The following ASB3 variants were observed in gnomAD, a reference collection of about 807,000 sequenced individuals.
The protein encoded by ASB3 is ankyrin repeat and SOCS box containing 3.
A neutral mutation model predicts 54.5 loss-of-function variants in ASB3; 41 were observed. The ratio of observed to expected loss-of-function variants is 0.75; its 90% confidence interval spans 0.59 to 0.98. The LOEUF (loss-of-function observed/expected upper bound fraction) is 0.98. ASB3 is among the 50% of genes least tolerant of loss of function. The pLI is 0.00. For missense variants in ASB3, 733 were observed against 620.0 expected (o/e 1.18, Z -1.94); for synonymous variants, 266 against 221.2 (o/e 1.20, Z -1.80).
intron 2 of ASB3, among the ~76,000 whole-genome samples, chr2:53,762,188 T>C (rs1673183349): frequency 6.6e-6 from 1 of 152,088 alleles, no homozygotes; most frequent in Admixed American, 6.6e-5. Flanking sequence ...TGTGTGTGTG[T>C]GTGTGTATAC....
intron 1 of ASB3, among the ~76,000 whole-genome samples, chr2:53,779,565 T>C (rs1674534065): frequency 6.6e-6 from 1 of 152,072 alleles, no homozygotes; most frequent in African/African-American, 2.4e-5. Context: ...GCCTCCCAAG[T>C]AGCTGGGACT....
At chr2:53,768,116 G>T (rs1254043641) in intron 1 of ASB3, 1 of 1,420,034 alleles carries the variant, frequency 7.0e-7, no homozygotes, top group Non-Finnish European at 9.6e-7. Flanking sequence ...CCACACCTTA[G>T]CGCTTCATGG....
At chr2:53,690,443 T>C (rs1348562859) in intron 9 of ASB3, among the ~76,000 whole-genome samples, 1 of 152,142 alleles carries the variant, frequency 6.6e-6, no homozygotes, top group Non-Finnish European at 1.5e-5. Flanking sequence ...TTTTACTGAA[T>C]TGTACTTTGG....
chr2:53,721,951 A>AT (rs1411371999), intron 5 of ASB3, among the ~76,000 whole-genome samples: 5 of 152,170 alleles, frequency 3.3e-5, no homozygotes, highest in African/African-American at 4.8e-5. Flanking sequence ...TGCTAGCTAG[A>AT]TAAAAAAAAG....
chr2:53,695,836 T>C (rs1173326987), intron 8 of ASB3, among the ~76,000 whole-genome samples: 3 of 152,148 alleles, frequency 2.0e-5, no homozygotes, highest in Admixed American at 6.5e-5. Context: ...CATTTAAATA[T>C]TGTGACAGGC....
chr2:53,686,581 C>T (rs1277865752), intron 9 of ASB3, among the ~76,000 whole-genome samples: 1 of 152,052 alleles, frequency 6.6e-6, no homozygotes, highest in Non-Finnish European at 1.5e-5. Flanking sequence ...AAATATCCTA[C>T]AGTGAATAAA....
intron 3 of ASB3, among the ~76,000 whole-genome samples, chr2:53,741,739 G>C (rs1671944287): frequency 1.3e-5 from 2 of 152,078 alleles, no homozygotes; most frequent in African/African-American, 2.4e-5. Flanking sequence ...TAATATTGTA[G>C]CACAATATAG....
intron 1 of ASB3, chr2:53,767,578 A>C: frequency 1.4e-5 from 4 of 295,366 alleles, no homozygotes; most frequent in Non-Finnish European, 2.0e-5. Context: ...CATTGTGGGT[A>C]TTGTAGTTTT....
At chr2:53,715,421 T>C (rs1229148258) in intron 6 of ASB3, among the ~76,000 whole-genome samples, 1 of 152,174 alleles carries the variant, frequency 6.6e-6, no homozygotes, top group Non-Finnish European at 1.5e-5. Context: ...ATGTCTAAGA[T>C]AACATTTAAG....
At chr2:53,695,980 C>A (rs998166237) in intron 8 of ASB3, among the ~76,000 whole-genome samples, 1 of 152,048 alleles carries the variant, frequency 6.6e-6, no homozygotes, top group Non-Finnish European at 1.5e-5. Flanking sequence ...TCTACTTTAA[C>A]AACATATTGG....
At chr2:53,764,554 T>G (rs1421248464) in intron 2 of ASB3, among the ~76,000 whole-genome samples, 1 of 152,218 alleles carries the variant, frequency 6.6e-6, no homozygotes, top group Non-Finnish European at 1.5e-5. Flanking sequence ...CCATTTGTTT[T>G]CTTCCTACCC....
intron 1 of ASB3, among the ~76,000 whole-genome samples, chr2:53,782,254 G>A (rs562849034): frequency 5.9e-5 from 9 of 152,188 alleles, no homozygotes; most frequent in South Asian, 4.2e-4. Flanking sequence ...ATTTTCCTCC[G>A]CTTCCTAACA....
At chr2:53,760,035 G>A (rs1221049154) in intron 2 of ASB3, among the ~76,000 whole-genome samples, 4 of 152,168 alleles carry the variant, frequency 2.6e-5, no homozygotes, top group Non-Finnish European at 5.9e-5. Context: ...TCCTAGGACA[G>A]GCAGTCACTA....
rs544275034 is a variant in ASB3, at chr2:53,720,194, C to T, written c.605-3451G>A. Among the ~76,000 whole-genome samples, 8 of 151,292 alleles carry T rather than the reference C, an allele frequency of 5.3e-5. No homozygotes were observed. In the South Asian group the frequency reaches 1.0e-3, roughly 20 times the overall value. On this transcript the variant is annotated intron_variant, in intron 5 of 9. Transcript: ENST00000263634. ...CCTACCTACCTATGACCTGGACATA[C>T]TCTCCCCACTTTGAGTTGTCCCGCT...
At chr2:53,680,623 TG>T (rs1668319886) in intron 9 of ASB3, among the ~76,000 whole-genome samples, 1 of 152,224 alleles carries the variant, frequency 6.6e-6, no homozygotes, top group Non-Finnish European at 1.5e-5. Flanking sequence ...TATATATTTA[TG>T]GGGTACATGA....
rs115591158 is a variant in ASB3 at position 53,720,046 on chromosome 2, G to A, written c.605-3303C>T. 1.1e-3 allele frequency among the ~76,000 whole-genome samples: 166 copies of A among 151,962 alleles called. 2 individuals carry two copies. Among genetic ancestry groups the A allele is most frequent in the African/African-American group, 3.8e-3 (159 of 41,420 alleles). On this transcript the variant is annotated intron_variant, in intron 5 of 9. Coordinates refer to ENST00000263634, the MANE Select transcript of ASB3 (RefSeq NM_016115.5). ...CACAAGGAATTTCCCTGTGGACGAAGGACAGACAGAACTCAAACTCAAAGT... is the reference window on the plus strand; with the variant it reads ...CACAAGGAATTTCCCTGTGGACGAAAGACAGACAGAACTCAAACTCAAAGT...
chr2:53,681,391 C>T (rs1156278966), intron 9 of ASB3, among the ~76,000 whole-genome samples: 2 of 152,234 alleles, frequency 1.3e-5, no homozygotes, highest in South Asian at 2.1e-4. Context: ...TCCCCTATGT[C>T]CATTTTTGTT....
At chr2:53,774,442 G>GA in intron 1 of ASB3, 1 of 1,608,484 alleles carries the variant, frequency 6.2e-7, no homozygotes, top group Non-Finnish European at 8.5e-7. Context: ...CCTTGTGCCA[G>GA]AAGAAGCAGA....
intron 3 of ASB3, 64 bp downstream of exon 3, chr2:53,750,719 C>T (rs1424750082): frequency 7.1e-7 from 1 of 1,407,072 alleles, no homozygotes; most frequent in African/African-American, 1.5e-5. Context: ...AAAAATTAAG[C>T]TTAGTTTAAC....
Sources: gnomAD v4.1 joint callset for allele counts (sites outside exome capture counted in the v4.1 genomes callset) on GRCh38, gnomAD v4.1.1 for gene constraint, MANE v1.5 for transcripts, NCBI Gene and HGNC (gene_info 2026-07-23, HGNC 2026-07-21) for gene names.